The following CDC42BPB variants were observed in gnomAD, a reference collection of about 807,000 sequenced individuals.
CDC42BPB encodes serine/threonine-protein kinase MRCK beta.
In CDC42BPB, 37 loss-of-function variants were observed where a neutral mutation model predicts 214.9. The ratio of observed to expected loss-of-function variants is 0.17; its 90% CI spans 0.13 to 0.23. The LOEUF is 0.23. Ranked by LOEUF, CDC42BPB falls within the 10% of genes least tolerant of loss-of-function variation. The pLI is 1.00. For synonymous variants in CDC42BPB, 931 were observed against 884.0 expected (o/e 1.05, Z -0.94); for missense variants, 1,694 against 2,227.0 (o/e 0.76, Z 4.82).
intron 1 of CDC42BPB, among the ~76,000 whole-genome samples, chr14:103,056,167 G>A (rs1047794020): frequency 6.6e-6 from 1 of 152,074 alleles, no homozygotes; most frequent in Non-Finnish European, 1.5e-5. Flanking sequence ...TTATAGATCC[G>A]GAACGAACTA....
At chr14:103,026,595 G>A (rs1399184995) in intron 1 of CDC42BPB, among the ~76,000 whole-genome samples, 1 of 152,082 alleles carries the variant, frequency 6.6e-6, no homozygotes, top group African/African-American at 2.4e-5. Flanking sequence ...GGGCATGGGT[G>A]GCTCACACCT....
intron 6 of CDC42BPB, 142 bp downstream of exon 6, chr14:102,986,345 A>G: frequency 1.7e-6 from 1 of 584,962 alleles, no homozygotes; most frequent in Non-Finnish European, 3.0e-6. Context: ...CCCCAAACAG[A>G]AAATTTCAAC....
intron 30 of CDC42BPB, chr14:102,941,055 C>A (rs946237849): frequency 1.1e-6 from 1 of 934,668 alleles, no homozygotes; most frequent in Non-Finnish European, 1.3e-6. Flanking sequence ...AAGGGGCTTT[C>A]TCCACGTTTA....
At position 102,940,298 on chromosome 14, in the gene CDC42BPB, A is replaced by G; in HGVS notation, c.4435T>C (p.Tyr1479His). Reference protein sequence around the residue: ...CSCSPTHVTVYSEYGVDVFDV... With the variant: ...CSCSPTHVTVHSEYGVDVFDV... ...AAGACGTCCACGCCATACTCGCTGT[A>G]CACCGTGACGTGGGTGGGGCTGCAA... Residue 1479 changes from tyrosine (Y) to histidine (H), a missense_variant, in exon 31 of 37, where the codon TAC becomes CAC. Physicochemically the swap from Tyr to His is moderately conservative, Grantham distance 83 (BLOSUM62 2). Transcript: ENST00000361246. The G allele has an allele frequency of 6.3e-7, 1 of 1,581,570 alleles. No individual in the cohort carries two copies. Among genetic ancestry groups the G allele is most frequent in the Non-Finnish European group, 8.6e-7 (1 of 1,163,840 alleles).
chr14:103,017,316 T>C (rs1234658447), intron 1 of CDC42BPB, among the ~76,000 whole-genome samples: 1 of 151,950 alleles, frequency 6.6e-6, no homozygotes, highest in Non-Finnish European at 1.5e-5. Context: ...TGAGAACTTG[T>C]CTCAAAACAA....
intron 1 of CDC42BPB, among the ~76,000 whole-genome samples, chr14:103,054,259 C>G (rs1410036863): frequency 6.6e-6 from 1 of 152,200 alleles, no homozygotes. Context: ...GCTGAATCAG[C>G]TACTTTTCTT....
intron 1 of CDC42BPB, among the ~76,000 whole-genome samples, chr14:103,053,008 T>C (rs1421159606): frequency 1.3e-5 from 2 of 152,248 alleles, no homozygotes; most frequent in African/African-American, 4.8e-5. Flanking sequence ...GTGTTTCATA[T>C]GTTCTGCTTC....
intron 6 of CDC42BPB, among the ~76,000 whole-genome samples, chr14:102,984,465 A>T (rs944763042): frequency 1.3e-5 from 2 of 152,126 alleles, no homozygotes; most frequent in Non-Finnish European, 2.9e-5. Flanking sequence ...CCGGGTGCTC[A>T]GGCATTCCCT....
At chr14:102,985,486 C>T (rs1346782838) in intron 6 of CDC42BPB, among the ~76,000 whole-genome samples, 1 of 152,200 alleles carries the variant, frequency 6.6e-6, no homozygotes, top group Non-Finnish European at 1.5e-5. Context: ...CTGGTTCAGA[C>T]CTGTTCTAGT....
chr14:103,018,646 G>A (rs1886599309), intron 1 of CDC42BPB, among the ~76,000 whole-genome samples: 1 of 152,196 alleles, frequency 6.6e-6, no homozygotes, highest in Admixed American at 6.5e-5. Flanking sequence ...ACCAAAGCAG[G>A]AGAGGCCAGG....
At chr14:102,960,399 T>C (rs1469377918) in intron 20 of CDC42BPB, among the ~76,000 whole-genome samples, 1 of 151,202 alleles carries the variant, frequency 6.6e-6, no homozygotes, top group African/African-American at 2.4e-5. Context: ...GGAGGACTGC[T>C]TGAGGCCATG....
At position 103,012,164 on chromosome 14, in the gene CDC42BPB, T is replaced by C. The variant is rs552932246; in HGVS notation, c.200A>G (p.Lys67Arg). Reference protein sequence around the residue: ...EWAKPFTQLVKEMQLHREDFE... With the variant: ...EWAKPFTQLVREMQLHREDFE... ...GTCTTCTCGATGAAGCTGCATTTCT[T>C]TCACCAGCTGTGTAAATGGTTTAGC... Residue 67 changes from lysine to arginine, a missense_variant, in exon 2 of 37, where the codon AAA (lysine) becomes AGA (arginine). Lys to Arg is a conservative substitution (Grantham distance 26). Coordinates refer to ENST00000361246, the MANE Select transcript of CDC42BPB (RefSeq NM_006035.4). The C allele has an allele frequency of 6.2e-7, 1 of 1,613,760 alleles. No individual in the cohort carries two copies. The highest frequency in any genetic ancestry group is 2.2e-5 in the East Asian group (1 of 44,878).
chr14:102,944,901 G>A lies in CDC42BPB; in HGVS notation c.3812-414C>T, dbSNP rs1170099235. 1.3e-5 allele frequency among the ~76,000 whole-genome samples: 2 copies of A among 152,180 alleles called. No individual in the cohort carries two copies. The highest frequency in any genetic ancestry group is 2.9e-5 in the Non-Finnish European group (2 of 68,022). On this transcript the variant is annotated intron_variant, in intron 29 of 36. Transcript: ENST00000361246. The surrounding 1 kb of genome is among the most constrained non-coding windows in gnomAD (Gnocchi z 6.6). ...TCACGCTGCACATGAGGGACAAAGA[G>A]CTGTCCCCAACCCACTGGGACCCTG...
chr14:102,991,900 C>T (rs1894509864), intron 5 of CDC42BPB, among the ~76,000 whole-genome samples: 1 of 152,210 alleles, frequency 6.6e-6, no homozygotes, highest in Admixed American at 6.5e-5. Flanking sequence ...CTTTCAGAGC[C>T]TCACTGTCTA....
chr14:102,955,417 C>T (rs1892668431), intron 21 of CDC42BPB, among the ~76,000 whole-genome samples: 1 of 152,046 alleles, frequency 6.6e-6, no homozygotes, highest in African/African-American at 2.4e-5. Context: ...AAGACTGTCT[C>T]AAAAGAAAAA....
chr14:102,959,655 A>C lies in CDC42BPB; in HGVS notation c.2877T>G (p.Pro959=), dbSNP rs754413139. The part of the protein sequence containing the change: ...DSIFEYFNTA[P]LAHDLTFRTS... ...CTCTAAATGTCAGGTCATGTGCAAGAGGAGCAGTGTTGAAATACTCAAAAA... is the reference window on the plus strand; with the variant it reads ...CTCTAAATGTCAGGTCATGTGCAAGCGGAGCAGTGTTGAAATACTCAAAAA... The change falls in exon 21 of 37, where the codon CCT becomes CCG. Residue 959 remains proline, a synonymous_variant. Transcript: ENST00000361246. The C allele has an allele frequency of 1.2e-6, 2 of 1,610,268 alleles. No individual in the cohort carries two copies. The highest frequency in any genetic ancestry group is 1.7e-5 in the Admixed American group (1 of 59,782).
In CDC42BPB at chr14:102,964,509, A is replaced by G. The variant is rs368556090; in HGVS notation, c.2719T>C (p.Leu907=). 8 of 1,613,484 alleles carry G rather than the reference A, an allele frequency of 5.0e-6. No individual in the cohort carries two copies. In the African/African-American group the frequency reaches 1.1e-4, roughly 22 times the overall value. ...GACCCTGGCACCAAGTACCTTTCCA[A>G]GGTGAGGTTGGCGTCCTTGACCTTC... The part of the protein sequence containing the change: ...LRKVKDANLT[L]ESKLKDSEAK... Residue 907 remains leucine (L), a synonymous_variant, in exon 19 of 37, where the codon TTG becomes CTG. Coordinates refer to ENST00000361246, the MANE Select transcript of CDC42BPB (RefSeq NM_006035.4).
At chr14:103,038,365 A>C (rs1474309117) in intron 1 of CDC42BPB, among the ~76,000 whole-genome samples, 1 of 151,706 alleles carries the variant, frequency 6.6e-6, no homozygotes, top group Non-Finnish European at 1.5e-5. Context: ...AAACCAAAAC[A>C]ACTTCAGCAC....
intron 30 of CDC42BPB, among the ~76,000 whole-genome samples, chr14:102,942,024 T>C (rs957141961): frequency 5.0e-4 from 76 of 152,362 alleles, no homozygotes; most frequent in African/African-American, 1.7e-3. Flanking sequence ...GCCAAGATTA[T>C]AAATACATTG....
Sources: allele counts gnomAD v4.1 joint callset (sites outside exome capture counted in the v4.1 genomes callset), GRCh38; gene constraint gnomAD v4.1.1; non-coding constraint Gnocchi (gnomAD v3.1); transcripts MANE v1.5; gene names NCBI Gene and HGNC (gene_info 2026-07-23, HGNC 2026-07-21).